Variants in PROSER2 observed in about 807,000 individuals in gnomAD.
PROSER2 encodes the protein proline and serine rich 2, also known as proline and serine-rich protein 2.
In PROSER2, 18 loss-of-function variants were observed where a neutral mutation model predicts 14.6. That is an observed-to-expected ratio of 1.23 (90% CI 0.85 to 1.83). The LOEUF (loss-of-function observed/expected upper bound fraction) is 1.83, where lower values mean the gene tolerates loss of function less well. Among genes scored for constraint, PROSER2 ranks in the 40% most tolerant of loss-of-function variants. The pLI is 0.00. For missense variants in PROSER2, 823 were observed against 629.8 expected, an observed-to-expected ratio of 1.31 and a Z score of -3.28; for synonymous variants, 367 against 286.4, an observed-to-expected ratio of 1.28 and a Z score of -2.84.
At chr10:11,860,966 C>G (rs578097570) in intron 2 of PROSER2, among the ~76,000 whole-genome samples, 1 of 152,084 alleles carries the variant, frequency 6.6e-6, no homozygotes, top group Admixed American at 6.5e-5. Context: ...ATTAACCGGG[C>G]GTGGTGGCGT....
Position 11,870,036 on chromosome 10 carries a change from C to T in PROSER2, c.938C>T (p.Pro313Leu), listed in dbSNP as rs972022903. The T allele has an allele frequency of 4.0e-5, 49 of 1,238,510 alleles. No individual in the cohort carries two copies. Among genetic ancestry groups the T allele is most frequent in the Non-Finnish European group, 4.4e-5 (44 of 991,688 alleles). 76.7% of individuals were successfully genotyped at this position (1,238,510 alleles called of 1,614,324 possible). Reference sequence around the variant, plus strand: ...GGGGCCCCAGGGGGCGGCTCCTCCCCGGAGCGGGTGGCGCGTGGCCGGGGC... The same window carrying T: ...GGGGCCCCAGGGGGCGGCTCCTCCCTGGAGCGGGTGGCGCGTGGCCGGGGC... ...GEGAPGGGSS[P>L]ERVARGRGLP... Residue 313 changes from proline to leucine, a missense_variant, in exon 4 of 4, where the codon CCG becomes CTG. Transcript: ENST00000277570.
At chr10:11,845,274 C>A (rs1020613164) in intron 1 of PROSER2, among the ~76,000 whole-genome samples, 9 of 152,164 alleles carry the variant, frequency 5.9e-5, no homozygotes. Flanking sequence ...CCAGTTTACA[C>A]CCCCACCAGC....
At position 11,856,418 on chromosome 10, in the gene PROSER2, T is replaced by C. The variant is rs991321071; in HGVS notation, c.138+4203T>C. On this transcript the variant is annotated intron_variant, in intron 2 of 3. Coordinates refer to ENST00000277570, the MANE Select transcript of PROSER2 (RefSeq NM_153256.4). The surrounding 1 kb of genome is among the most constrained non-coding windows in gnomAD (Gnocchi z 5.3). Reference sequence around the variant, plus strand: ...GTCTGCCTTCACACATCCCGAAGCTTCCTCTAGAAGAAATAGGATTTGGCT... The same window carrying C: ...GTCTGCCTTCACACATCCCGAAGCTCCCTCTAGAAGAAATAGGATTTGGCT... Among the ~76,000 whole-genome samples the C allele has an allele frequency of 2.0e-5, 3 of 152,196 alleles. No individual in the cohort carries two copies. The highest frequency in any genetic ancestry group is 6.5e-5 in the Admixed American group (1 of 15,288).
chr10:11,854,095 C>T (rs960423598), intron 2 of PROSER2, among the ~76,000 whole-genome samples: 1 of 152,186 alleles, frequency 6.6e-6, no homozygotes, highest in Non-Finnish European at 1.5e-5. Flanking sequence ...CATATCCAGC[C>T]TTAGACCTGT....
intron 1 of PROSER2, among the ~76,000 whole-genome samples, chr10:11,824,632 A>C (rs1833585686): frequency 6.6e-6 from 1 of 152,264 alleles, no homozygotes; most frequent in African/African-American, 2.4e-5. Flanking sequence ...GTTGTCTAAA[A>C]TCTTTCTTGC....
intron 2 of PROSER2, among the ~76,000 whole-genome samples, chr10:11,859,008 CA>C (rs750181845): frequency 4.9e-5 from 3 of 61,160 alleles, no homozygotes; most frequent in East Asian, 1.4e-3. Flanking sequence ...GACTCTGTCT[CA>C]AAAAAAAAAA....
rs373899568 is a variant in PROSER2 at position 11,865,200 on chromosome 10, C to CT, written c.139-1323dup. Among the ~76,000 whole-genome samples, 7 of 151,642 alleles carry CT rather than the reference C, an allele frequency of 4.6e-5. No individual in the cohort carries two copies. Among genetic ancestry groups the CT allele is most frequent in the Non-Finnish European group, 8.8e-5 (6 of 67,916 alleles). On this transcript the variant is annotated intron_variant, in intron 2 of 3. Transcript: ENST00000277570. This position sits in a 1 kb window ranked among gnomAD's most constrained non-coding sequence, Gnocchi z 4.2. Reference sequence around the variant, plus strand: ...AGATCCATCCTTTGATTTTCTTATCCTTTTTTTTCATAGTTTTCTGATTTT... The same window carrying CT: ...AGATCCATCCTTTGATTTTCTTATCCTTTTTTTTTCATAGTTTTCTGATTTT...
rs12415917 is a variant in PROSER2 at position 11,856,996 on chromosome 10, C to T, written c.138+4781C>T. ...TGGAATCCAAATGGTCCTGGTCAAACAGCTGCTTTAAAACATAACTCAGTA... is the reference window on the plus strand; with the variant it reads ...TGGAATCCAAATGGTCCTGGTCAAATAGCTGCTTTAAAACATAACTCAGTA... On this transcript the variant is annotated intron_variant, in intron 2 of 3. Coordinates refer to ENST00000277570, the MANE Select transcript of PROSER2 (RefSeq NM_153256.4). This position sits in a 1 kb window ranked among gnomAD's most constrained non-coding sequence, Gnocchi z 5.3. 0.063 allele frequency among the ~76,000 whole-genome samples: 9,562 copies of T among 152,312 alleles called. 493 individuals carry two copies. The highest frequency in any genetic ancestry group is 0.15 in the East Asian group (796 of 5,186).
rs1834480363 is a variant in PROSER2, at chr10:11,871,068, CTG to C, written c.*663_*664del. On this transcript the variant is annotated 3_prime_UTR_variant, in exon 4 of 4. Transcript: ENST00000277570. Reference sequence around the variant, plus strand: ...TTGAGAAAGCAAGTCTCATCAGACTCTGAGGTCTGGGACGTGTGCGTGAGCCT... The same window carrying C: ...TTGAGAAAGCAAGTCTCATCAGACTCAGGTCTGGGACGTGTGCGTGAGCCT... The C allele has an allele frequency of 6.6e-6, 1 of 152,126 alleles. No individual in the cohort carries two copies. Among genetic ancestry groups the C allele is most frequent in the African/African-American group, 2.4e-5 (1 of 41,392 alleles). 9.4% of individuals were successfully genotyped at this position (152,126 alleles called of 1,614,324 possible).
chr10:11,854,275 T>C (rs766123441), intron 2 of PROSER2, among the ~76,000 whole-genome samples: 9 of 152,346 alleles, frequency 5.9e-5, no homozygotes, highest in Non-Finnish European at 1.2e-4. Context: ...TGAGAAAATA[T>C]GGCATTTAAC....
At chr10:11,854,370 C>A (rs1834082954) in intron 2 of PROSER2, among the ~76,000 whole-genome samples, 1 of 152,194 alleles carries the variant, frequency 6.6e-6, no homozygotes, top group East Asian at 1.9e-4. Context: ...GGCAGTGGCA[C>A]AATCATAGCT....
chr10:11,864,705 C>T (rs1272390889), intron 2 of PROSER2, among the ~76,000 whole-genome samples: 1 of 151,584 alleles, frequency 6.6e-6, no homozygotes, highest in Non-Finnish European at 1.5e-5. Flanking sequence ...TCTCCTGCCT[C>T]GGCCTCCTAA....
At chr10:11,867,971 A>ATAC (rs1491367602) in intron 3 of PROSER2, among the ~76,000 whole-genome samples, 6 of 152,218 alleles carry the variant, frequency 3.9e-5, no homozygotes, top group Non-Finnish European at 8.8e-5. Flanking sequence ...CACTAGAAAT[A>ATAC]AAGTGTGTAC....
At chr10:11,827,149 G>A (rs1833626719) in intron 1 of PROSER2, among the ~76,000 whole-genome samples, 1 of 150,636 alleles carries the variant, frequency 6.6e-6, no homozygotes, top group Non-Finnish European at 1.5e-5. Flanking sequence ...GCCTTCCAAA[G>A]TGCTGGGATT....
chr10:11,868,259 A>G (rs1015774545), intron 3 of PROSER2, among the ~76,000 whole-genome samples: 6 of 152,170 alleles, frequency 3.9e-5, no homozygotes, highest in South Asian at 2.1e-4. Context: ...CTGTTCTCTA[A>G]CATATTTTCA....
chr10:11,834,634 C>T (rs1374838133), intron 1 of PROSER2, among the ~76,000 whole-genome samples: 1 of 151,970 alleles, frequency 6.6e-6, no homozygotes, highest in Non-Finnish European at 1.5e-5. Flanking sequence ...ACTCAGGAAG[C>T]TGAGGCAGGA....
intron 1 of PROSER2, 131 bp from the exon 2 acceptor site, chr10:11,851,866 G>A (rs150188408): frequency 2.2e-5 from 9 of 408,744 alleles, no homozygotes; most frequent in East Asian, 7.5e-5. Flanking sequence ...TTGACTTAGC[G>A]TTTCCCAATC....
chr10:11,868,631 GTTTTTTGT>G (rs1355976420), intron 3 of PROSER2, among the ~76,000 whole-genome samples: 7 of 144,824 alleles, frequency 4.8e-5, no homozygotes, highest in African/African-American at 1.9e-4. Flanking sequence ...TGAATTTCAG[GTTTTTTGT>G]TTTTTGTTTT....
intron 3 of PROSER2, among the ~76,000 whole-genome samples, chr10:11,867,291 T>C (rs1182247907): frequency 1.7e-5 from 2 of 114,372 alleles, no homozygotes; most frequent in African/African-American, 3.3e-5. Flanking sequence ...AAAAAAAGAA[T>C]GAACTGGGCA....
Sources: gnomAD v4.1 joint callset for allele counts (sites outside exome capture counted in the v4.1 genomes callset) on GRCh38, gnomAD v4.1.1 for gene constraint, Gnocchi (gnomAD v3.1) non-coding constraint, MANE v1.5 for transcripts, NCBI Gene and HGNC (gene_info 2026-07-23, HGNC 2026-07-21) for gene names.